The following KLHL5 variants were observed in gnomAD, a reference collection of about 807,000 sequenced individuals.
KLHL5 encodes kelch like family member 5, also known as kelch-like protein 5.
Under a neutral mutation model 77.7 loss-of-function variants are expected in KLHL5, and 48 were observed. The observed-to-expected ratio is 0.62, with a 90% CI of 0.49 to 0.79. KLHL5 has a LOEUF of 0.79. KLHL5 is among the 30% of genes least tolerant of loss of function. KLHL5 has a pLI of 0.00. For missense variants in KLHL5, 723 were observed against 859.7 expected (o/e 0.84, Z 1.99); for synonymous variants, 260 against 297.0 (o/e 0.88, Z 1.28).
chr4:39,068,425 C>T (rs1222146444), intron 1 of KLHL5, among the ~76,000 whole-genome samples: 2 of 138,220 alleles, frequency 1.4e-5, no homozygotes, highest in African/African-American at 2.8e-5. Flanking sequence ...TGTAACCTCT[C>T]CCCAGAAAAC....
intron 1 of KLHL5, among the ~76,000 whole-genome samples, chr4:39,049,424 C>T (rs1716457287): frequency 6.6e-6 from 1 of 152,178 alleles, no homozygotes; most frequent in Non-Finnish European, 1.5e-5. Flanking sequence ...TGGCTCAAGA[C>T]TGTGCAGTCC....
the KLHL5 span, chr4:39,135,340 C>T: frequency 6.6e-6 from 1 of 152,218 alleles, no homozygotes; most frequent in African/African-American, 2.4e-5. Context: ...AAATCCACTG[C>T]TTTTATAGTA....
At chr4:39,109,339 A>C (rs1722275530) in intron 8 of KLHL5, among the ~76,000 whole-genome samples, 1 of 152,202 alleles carries the variant, frequency 6.6e-6, no homozygotes, top group African/African-American at 2.4e-5. Context: ...TCTGTCGCCC[A>C]GGCTGGAGTG....
rs1721089361 is a variant in KLHL5 at position 39,096,627 on chromosome 4, T to A, written c.1114-65T>A. The A allele has an allele frequency of 3.5e-6, 4 of 1,149,276 alleles. No individual in the cohort carries two copies. The Admixed American group carries it at 1.0e-4, about 29-fold the overall frequency. 71.2% of individuals were successfully genotyped at this position (1,149,276 alleles called of 1,614,324 possible). A position where few individuals can be genotyped will look rare whatever the true frequency, so the allele number is the denominator to read the frequency against. On this transcript the variant is annotated intron_variant, in intron 5 of 10. Transcript: ENST00000504108. ...TAAAATCCATTTGAGAACTATGTCA[T>A]TTTTTTCTGTAAACCCTACCATTTT...
the KLHL5 span, among the ~76,000 whole-genome samples, chr4:39,142,268 G>A: frequency 3.3e-5 from 5 of 151,980 alleles, no homozygotes; most frequent in Middle Eastern, 3.4e-3. Context: ...GGTGGCGGGC[G>A]CCTGTAATCC....
downstream of KLHL5, among the ~76,000 whole-genome samples, chr4:39,128,689 G>T (rs550926338): frequency 6.6e-6 from 1 of 152,244 alleles, no homozygotes; most frequent in South Asian, 2.1e-4. Context: ...GATGCTAGAC[G>T]CAGTGGCTCA....
At chr4:39,141,213 A>AC in the KLHL5 span, among the ~76,000 whole-genome samples, 1 of 151,672 alleles carries the variant, frequency 6.6e-6, no homozygotes, top group South Asian at 2.1e-4. Flanking sequence ...TATTTCCCAA[A>AC]CCTATCCTCT....
chr4:39,049,211 G>A (rs973074427), intron 1 of KLHL5, among the ~76,000 whole-genome samples: 5 of 152,198 alleles, frequency 3.3e-5, no homozygotes, highest in African/African-American at 1.2e-4. Context: ...ATAGAAAACA[G>A]CATTTCTTTG....
At chr4:39,064,568 C>T (rs1195277007) in intron 1 of KLHL5, among the ~76,000 whole-genome samples, 1 of 152,098 alleles carries the variant, frequency 6.6e-6, no homozygotes, top group Non-Finnish European at 1.5e-5. Flanking sequence ...AACATGTTAT[C>T]TACTACTGGA....
At chr4:39,052,211 C>G (rs1339642670) in intron 1 of KLHL5, among the ~76,000 whole-genome samples, 1 of 152,068 alleles carries the variant, frequency 6.6e-6, no homozygotes, top group Non-Finnish European at 1.5e-5. Context: ...ACCTCCGCCT[C>G]TCAGGTTCAA....
intron 5 of KLHL5, among the ~76,000 whole-genome samples, chr4:39,092,412 T>C (rs991960579): frequency 6.6e-6 from 1 of 152,224 alleles, no homozygotes; most frequent in Non-Finnish European, 1.5e-5. Flanking sequence ...TTGCAGTTAC[T>C]ATTAAGTCTC....
intron 2 of KLHL5, among the ~76,000 whole-genome samples, chr4:39,080,505 A>G (rs2566143): frequency 0.76 from 114,996 of 151,058 alleles, 43,824 homozygotes; most frequent in East Asian, 0.84. Context: ...CAGCCTAGGA[A>G]ACAGAATGAG....
intron 5 of KLHL5, among the ~76,000 whole-genome samples, chr4:39,089,428 T>C (rs917563498): frequency 6.6e-6 from 1 of 152,288 alleles, no homozygotes; most frequent in South Asian, 2.1e-4. Flanking sequence ...CTAAGGACTC[T>C]GAAGTCCTTA....
chr4:39,125,444 A>G lies in KLHL5; in HGVS notation c.*4378A>G, dbSNP rs1217852462. 6.6e-6 allele frequency among the ~76,000 whole-genome samples: 1 copy of G among 152,206 alleles called. No homozygotes were observed. The highest frequency in any genetic ancestry group is 1.5e-5 in the Non-Finnish European group (1 of 68,030). On this transcript the variant is annotated 3_prime_UTR_variant, in exon 11 of 11. Coordinates refer to ENST00000504108, the MANE Select transcript of KLHL5 (RefSeq NM_015990.5). ...AGCCAAAAAAGAGGAAACAACCCAA[A>G]TGGCCATCAGCTGATGAATGAATAA...
chr4:39,115,408 A>G (rs1722765086), intron 10 of KLHL5, 78 bp downstream of exon 10: 1 of 1,579,068 alleles, frequency 6.3e-7, no homozygotes, highest in Non-Finnish European at 8.6e-7. Context: ...GATCCCCTCA[A>G]TCTTGTCCAA....
At chr4:39,133,387 A>G in the KLHL5 span, among the ~76,000 whole-genome samples, 1 of 152,070 alleles carries the variant, frequency 6.6e-6, no homozygotes, top group Non-Finnish European at 1.5e-5. Context: ...GAACTATTCA[A>G]TTAAAGTTCA....
rs1173783573 is a variant in KLHL5, at chr4:39,124,283, C to A, written c.*3217C>A. Among the ~76,000 whole-genome samples the A allele has an allele frequency of 6.6e-6, 1 of 152,112 alleles. No homozygotes were observed. The highest frequency in any genetic ancestry group is 6.5e-5 in the Admixed American group (1 of 15,268). On this transcript the variant is annotated 3_prime_UTR_variant, in exon 11 of 11. Transcript: ENST00000504108. ...ACAATCCCCATTAAAATTCCAGTGA[C>A]CCTTTTACAGAAACTGAAAAGCTGA...
At chr4:39,049,724 A>T (rs1399160987) in intron 1 of KLHL5, among the ~76,000 whole-genome samples, 1 of 151,674 alleles carries the variant, frequency 6.6e-6, no homozygotes, top group Non-Finnish European at 1.5e-5. Context: ...AAATAAATAA[A>T]TAAATAAATA....
intron 8 of KLHL5, among the ~76,000 whole-genome samples, chr4:39,109,301 A>C (rs979495363): frequency 2.6e-5 from 4 of 151,782 alleles, no homozygotes; most frequent in Non-Finnish European, 5.9e-5. Flanking sequence ...TTACTTATTT[A>C]TTTCTTTATT....
Sources: gnomAD v4.1 joint callset for allele counts (sites outside exome capture counted in the v4.1 genomes callset) on GRCh38, gnomAD v4.1.1 for gene constraint, MANE v1.5 for transcripts, NCBI Gene and HGNC (gene_info 2026-07-23, HGNC 2026-07-21) for gene names.